LUZP2: variants seen among roughly 807,000 people sequenced by gnomAD.
LUZP2 encodes leucine zipper protein 2.
A neutral mutation model predicts 51.6 loss-of-function variants in LUZP2; 52 were observed. The observed-to-expected ratio is 1.01, with a 90% CI of 0.81 to 1.27. The LOEUF is 1.27. Among genes scored for constraint, LUZP2 ranks in the 50% most tolerant of loss-of-function variants. LUZP2 has a pLI of 0.00. For missense variants in LUZP2, 436 were observed against 395.4 expected (o/e 1.10, Z -0.87); for synonymous variants, 154 against 137.3 (o/e 1.12, Z -0.85).
intron 5 of LUZP2, among the ~76,000 whole-genome samples, chr11:24,810,547 A>G (rs1027262365): frequency 6.8e-6 from 1 of 147,750 alleles, no homozygotes; most frequent in Non-Finnish European, 1.5e-5. Context: ...GTTATTGTCT[A>G]TCATGTGAAA....
intron 1 of LUZP2, among the ~76,000 whole-genome samples, chr11:24,528,077 G>A (rs995801045): frequency 1.3e-5 from 2 of 151,168 alleles, no homozygotes; most frequent in South Asian, 2.1e-4. Context: ...CATAGTCGAT[G>A]TAGACATTTT....
chr11:24,531,943 T>G (rs768078966), intron 1 of LUZP2, among the ~76,000 whole-genome samples: 1 of 150,862 alleles, frequency 6.6e-6, no homozygotes, highest in African/African-American at 2.4e-5. Flanking sequence ...CCAATACATA[T>G]AGTTCTCTTA....
chr11:24,903,511 T>C (rs1444009035), intron 5 of LUZP2, among the ~76,000 whole-genome samples: 3 of 152,210 alleles, frequency 2.0e-5, no homozygotes, highest in Non-Finnish European at 4.4e-5. Flanking sequence ...TGGGGAACTC[T>C]TAAACTTGAT....
intron 1 of LUZP2, among the ~76,000 whole-genome samples, chr11:24,574,143 CCTTCCTT>C: frequency 6.7e-6 from 1 of 149,368 alleles, no homozygotes; most frequent in East Asian, 2.0e-4. Context: ...CTCTTTCTTT[CCTTCCTT>C]CTTCCTTCTT....
intron 4 of LUZP2, among the ~76,000 whole-genome samples, chr11:24,750,151 G>C (rs1200965554): frequency 1.3e-5 from 2 of 152,166 alleles, no homozygotes; most frequent in Non-Finnish European, 2.9e-5. Context: ...GTGAACATCA[G>C]AACTAGAAAA....
chr11:24,834,334 GA>G (rs1027673927), intron 5 of LUZP2, among the ~76,000 whole-genome samples: 5 of 152,206 alleles, frequency 3.3e-5, no homozygotes, highest in African/African-American at 1.2e-4. Flanking sequence ...TTGTGAGTGA[GA>G]ACATGCAATG....
chr11:24,991,388 G>GTATATA (rs1402416338), intron 9 of LUZP2, among the ~76,000 whole-genome samples: 1 of 64,998 alleles, frequency 1.5e-5, no homozygotes, highest in Non-Finnish European at 3.7e-5. Context: ...GTGTGTGTGT[G>GTATATA]TGTGTGTGTA....
chr11:24,505,129 C>A (rs1850109079), intron 1 of LUZP2, among the ~76,000 whole-genome samples: 1 of 152,112 alleles, frequency 6.6e-6, no homozygotes, highest in South Asian at 2.1e-4. Flanking sequence ...CTGGGACATT[C>A]ATCTCATGTC....
In LUZP2 at chr11:24,807,480, G is replaced by A. The variant is rs1301551157; in HGVS notation, c.396+44172G>A. ...CATCTCAAAAGAAAAAAAAAAAAAA[G>A]TCAGGTTAAACAAATTATTTAACAA... On this transcript the variant is annotated intron_variant, in intron 5 of 11. Transcript: ENST00000336930. Among the ~76,000 whole-genome samples the A allele has an allele frequency of 4.9e-5, 6 of 121,324 alleles. No homozygotes were observed. The East Asian group carries it at 1.2e-3, about 25-fold the overall frequency. 79.6% of individuals were successfully genotyped at this position (121,324 alleles called of 152,430 possible).
chr11:25,017,830 A>C, intron 9 of LUZP2, among the ~76,000 whole-genome samples: 1 of 152,118 alleles, frequency 6.6e-6, no homozygotes, highest in East Asian at 1.9e-4. Flanking sequence ...GATGTGGTAG[A>C]TTGATAGGAA....
intron 1 of LUZP2, among the ~76,000 whole-genome samples, chr11:24,668,392 T>A (rs952464054): frequency 6.6e-6 from 1 of 152,228 alleles, no homozygotes; most frequent in Non-Finnish European, 1.5e-5. Context: ...TCATGTATGA[T>A]AGTTCCCCAT....
At chr11:24,969,596 A>G (rs977679276) in intron 7 of LUZP2, among the ~76,000 whole-genome samples, 1 of 152,210 alleles carries the variant, frequency 6.6e-6, no homozygotes, top group Non-Finnish European at 1.5e-5. Context: ...ATCTTCCCTT[A>G]GATGAAGAAG....
chr11:24,626,007 G>T (rs1444004436), intron 1 of LUZP2, among the ~76,000 whole-genome samples: 1 of 152,096 alleles, frequency 6.6e-6, no homozygotes, highest in Admixed American at 6.6e-5. Flanking sequence ...TATAAGGGCT[G>T]CCACTTACTA....
intron 9 of LUZP2, among the ~76,000 whole-genome samples, chr11:25,020,918 T>C (rs536591439): frequency 2.8e-4 from 42 of 152,244 alleles, no homozygotes; most frequent in African/African-American, 9.9e-4. Context: ...AAACATTTTA[T>C]AATTATGAAG....
chr11:24,721,159 A>C (rs1048608620), intron 1 of LUZP2, among the ~76,000 whole-genome samples: 7 of 152,218 alleles, frequency 4.6e-5, no homozygotes, highest in Non-Finnish European at 1.0e-4. Context: ...CAAATGAATG[A>C]CACAGGGATT....
chr11:24,770,208 G>T (rs1860356299), intron 5 of LUZP2, among the ~76,000 whole-genome samples: 1 of 152,132 alleles, frequency 6.6e-6, no homozygotes, highest in Admixed American at 6.5e-5. Context: ...AAATCAGTTT[G>T]TCTGTAACGG....
At chr11:24,873,679 CCTT>C (rs33992246) in intron 5 of LUZP2, among the ~76,000 whole-genome samples, 61,778 of 151,702 alleles carry the variant, frequency 0.41, 14,555 homozygotes, top group East Asian at 0.65. Flanking sequence ...CTCTCACACT[CCTT>C]ATTATTTGGG....
intron 1 of LUZP2, among the ~76,000 whole-genome samples, chr11:24,506,270 T>C (rs1477433015): frequency 6.6e-6 from 1 of 152,140 alleles, no homozygotes; most frequent in African/African-American, 2.4e-5. Context: ...TCTTTATATA[T>C]AATTTTCTCT....
chr11:24,803,996 GA>G (rs75845899), intron 5 of LUZP2, among the ~76,000 whole-genome samples: 10,261 of 106,040 alleles, frequency 0.097, 348 homozygotes, highest in Non-Finnish European at 0.12. Flanking sequence ...TGCCATAAAG[GA>G]AAAAAAAAAA....
Sources: allele counts gnomAD v4.1 joint callset (sites outside exome capture counted in the v4.1 genomes callset), GRCh38; gene constraint gnomAD v4.1.1; transcripts MANE v1.5; gene names NCBI Gene and HGNC (gene_info 2026-07-23, HGNC 2026-07-21).